ATAD2B: variants seen among roughly 807,000 people sequenced by gnomAD.
ATAD2B encodes ATPase family AAA domain-containing protein 2B.
Under a neutral mutation model 167.6 loss-of-function variants are expected in ATAD2B, and 40 were observed. The observed-to-expected ratio is 0.24, with a 90% CI of 0.19 to 0.31. ATAD2B has a LOEUF of 0.31. Among genes scored for constraint, ATAD2B ranks in the 10% least tolerant of loss-of-function variants. The pLI is 1.00. For synonymous variants in ATAD2B, 579 were observed against 596.5 expected, an observed-to-expected ratio of 0.97 and a Z score of 0.43; for missense variants, 1,242 against 1,757.2, an observed-to-expected ratio of 0.71 and a Z score of 5.24.
intron 10 of ATAD2B, among the ~76,000 whole-genome samples, chr2:23,867,570 C>G (rs1411448398): frequency 6.6e-6 from 1 of 152,118 alleles, no homozygotes; most frequent in East Asian, 1.9e-4. Flanking sequence ...AACAACAGCC[C>G]ATTGTTCATC....
At chr2:23,698,488 A>AG in the ATAD2B span, among the ~76,000 whole-genome samples, 9 of 152,274 alleles carry the variant, frequency 5.9e-5, no homozygotes, top group Admixed American at 5.2e-4. Flanking sequence ...GACAGACACG[A>AG]GGGGGCTTTG....
At chr2:23,734,936 C>T in the ATAD2B span, among the ~76,000 whole-genome samples, 2 of 152,164 alleles carry the variant, frequency 1.3e-5, no homozygotes, top group African/African-American at 4.8e-5. Flanking sequence ...CTGTGTTTTA[C>T]TTAGCTTTGT....
At chr2:23,718,195 C>T in the ATAD2B span, among the ~76,000 whole-genome samples, 1 of 152,118 alleles carries the variant, frequency 6.6e-6, no homozygotes, top group African/African-American at 2.4e-5. Flanking sequence ...GAATGACCCA[C>T]AGGGTGGGTT....
At chr2:23,793,581 T>A (rs1682144816) in intron 19 of ATAD2B, among the ~76,000 whole-genome samples, 1 of 152,166 alleles carries the variant, frequency 6.6e-6, no homozygotes. Flanking sequence ...GGTTCTCAAG[T>A]GGTCAAAAAT....
the ATAD2B span, among the ~76,000 whole-genome samples, chr2:23,740,869 A>C: frequency 6.6e-6 from 1 of 152,216 alleles, no homozygotes; most frequent in East Asian, 1.9e-4. Flanking sequence ...GGATACAAAA[A>C]TCAATGTACA....
chr2:23,682,409 G>T, the ATAD2B span, among the ~76,000 whole-genome samples: 4 of 152,256 alleles, frequency 2.6e-5, no homozygotes, highest in East Asian at 7.7e-4. This position sits in a 1 kb window ranked among gnomAD's most constrained non-coding sequence, Gnocchi z 4.1. Context: ...TGGCTTCGAG[G>T]CTCAACTCTC....
intron 15 of ATAD2B, among the ~76,000 whole-genome samples, chr2:23,824,301 A>G (rs1178011514): frequency 2.6e-5 from 4 of 152,184 alleles, no homozygotes; most frequent in Non-Finnish European, 1.5e-5. Context: ...TTTTAAAAGA[A>G]TAATAGTTTC....
the ATAD2B span, among the ~76,000 whole-genome samples, chr2:23,714,518 G>A: frequency 6.7e-6 from 1 of 150,236 alleles, no homozygotes; most frequent in Non-Finnish European, 1.5e-5. Flanking sequence ...GGGATTACAG[G>A]TGTGAGCCAC....
intron 1 of ATAD2B, among the ~76,000 whole-genome samples, chr2:23,915,586 C>CTTTTTTTTTT (rs869032768): frequency 3.1e-5 from 2 of 65,238 alleles, no homozygotes; most frequent in African/African-American, 6.0e-5. Context: ...ACTACCGATT[C>CTTTTTTTTTT]TTTTTTTTTT....
chr2:23,885,955 G>GT (rs752835696), intron 4 of ATAD2B, 126 bp from the exon 5 acceptor site: 232 of 574,460 alleles, frequency 4.0e-4, no homozygotes, highest in Middle Eastern at 9.7e-4. Flanking sequence ...TTTCTTTTTT[G>GT]TTTTTTTTAG....
At chr2:23,830,353 C>T (rs757230741) in intron 14 of ATAD2B, among the ~76,000 whole-genome samples, 37 of 152,226 alleles carry the variant, frequency 2.4e-4, no homozygotes, top group Middle Eastern at 3.4e-3. Context: ...CCACCACCAA[C>T]GGTAAGATCA....
chr2:23,690,017 GGGT>G, the ATAD2B span: 18 of 152,406 alleles, frequency 1.2e-4, no homozygotes, highest in African/African-American at 4.1e-4. Context: ...AGGCCCCTTG[GGGT>G]CCTGGTGGGA....
chr2:23,880,613 G>GA, intron 7 of ATAD2B, 26 bp downstream of exon 7: 1 of 1,350,532 alleles, frequency 7.4e-7, no homozygotes, highest in Non-Finnish European at 1.0e-6. Context: ...CTACCAGAAA[G>GA]AAAAAAGTTA....
chr2:23,697,715 A>ATTGATC, the ATAD2B span: 1 of 151,026 alleles, frequency 6.6e-6, no homozygotes, highest in Non-Finnish European at 1.5e-5. Flanking sequence ...TAGTTATCAT[A>ATTGATC]TTGATCTGGC....
intron 17 of ATAD2B, among the ~76,000 whole-genome samples, chr2:23,815,050 C>T (rs1043972209): frequency 7.0e-6 from 1 of 142,528 alleles, no homozygotes; most frequent in South Asian, 2.2e-4. Flanking sequence ...GAATGAAATC[C>T]GTCTCCAAAA....
the ATAD2B span, among the ~76,000 whole-genome samples, chr2:23,714,239 CTTTTTTTT>C: frequency 1.5e-5 from 2 of 136,502 alleles, no homozygotes; most frequent in African/African-American, 5.4e-5. Context: ...TCTCAAAATA[CTTTTTTTT>C]TTTTTTTTTT....
At chr2:23,789,636 A>G (rs1681352666) in intron 19 of ATAD2B, among the ~76,000 whole-genome samples, 2 of 152,174 alleles carry the variant, frequency 1.3e-5, no homozygotes, top group African/African-American at 4.8e-5. Context: ...AATCAAAGAC[A>G]TCATATTCCT....
intron 1 of ATAD2B, among the ~76,000 whole-genome samples, chr2:23,907,096 T>C (rs1050194497): frequency 2.0e-5 from 3 of 151,200 alleles, no homozygotes; most frequent in African/African-American, 4.9e-5. Flanking sequence ...CTATTCAACA[T>C]AGTGTTGGAA....
chr2:23,769,263 AC>A (rs1246633349), intron 22 of ATAD2B, among the ~76,000 whole-genome samples: 6 of 151,946 alleles, frequency 3.9e-5, no homozygotes, highest in Non-Finnish European at 8.8e-5. Context: ...ACATGGTGAA[AC>A]CCCATCTCTA....
Sources: allele counts gnomAD v4.1 joint callset (sites outside exome capture counted in the v4.1 genomes callset), GRCh38; gene constraint gnomAD v4.1.1; non-coding constraint Gnocchi (gnomAD v3.1); transcripts MANE v1.5; gene names NCBI Gene and HGNC (gene_info 2026-07-23, HGNC 2026-07-21).